The following DHX57 variants were observed in gnomAD, a reference collection of about 807,000 sequenced individuals.
DHX57 encodes putative ATP-dependent RNA helicase DHX57.
In DHX57, 105 loss-of-function variants were observed where a neutral mutation model predicts 156.2. That is an observed-to-expected ratio of 0.67 (90% CI 0.57 to 0.79). The LOEUF (loss-of-function observed/expected upper bound fraction) is 0.79. DHX57 is among the 30% of genes least tolerant of loss of function. The pLI is 0.00. For missense variants in DHX57, 1,847 were observed against 1,661.9 expected (o/e 1.11, Z -1.94); for synonymous variants, 704 against 595.6 (o/e 1.18, Z -2.65).
intron 5 of DHX57, among the ~76,000 whole-genome samples, chr2:38,860,630 A>G (rs1446952058): frequency 6.6e-6 from 1 of 152,206 alleles, no homozygotes; most frequent in African/African-American, 2.4e-5. Flanking sequence ...ATCTCTAAAA[A>G]TTCATTTGAA....
chr2:38,798,838 G>C (rs1216140085), intron 23 of DHX57, among the ~76,000 whole-genome samples: 1 of 152,104 alleles, frequency 6.6e-6, no homozygotes, highest in Non-Finnish European at 1.5e-5. Context: ...CAGCTACTCA[G>C]AGGCTGAGGC....
intron 17 of DHX57, 116 bp from the exon 18 acceptor site, chr2:38,819,260 T>C: frequency 1.1e-6 from 1 of 895,194 alleles, no homozygotes; most frequent in Non-Finnish European, 1.7e-6. Flanking sequence ...CTGCAACCTT[T>C]ATCTCCCAGG....
intron 7 of DHX57, among the ~76,000 whole-genome samples, chr2:38,855,522 T>G (rs1483297100): frequency 6.6e-6 from 1 of 152,188 alleles, no homozygotes; most frequent in Non-Finnish European, 1.5e-5. Flanking sequence ...GGTCTGTAAA[T>G]GCTTCTAGGA....
At chr2:38,827,485 C>CAAA (rs1196817843) in intron 14 of DHX57, among the ~76,000 whole-genome samples, 248 of 8,280 alleles carry the variant, frequency 0.03, 41 homozygotes, top group Admixed American at 0.098. Context: ...GACTCTGTCT[C>CAAA]AAAAAAAAAA....
chr2:38,834,331 CAAA>C (rs33985881), intron 13 of DHX57, among the ~76,000 whole-genome samples: 5 of 83,824 alleles, frequency 6.0e-5, no homozygotes, highest in Admixed American at 1.4e-4. Context: ...AACTCCATCT[CAAA>C]AAAAAAAAAA....
At position 38,823,215 on chromosome 2, in the gene DHX57, C is replaced by T; in HGVS notation, c.3069G>A (p.Arg1023=). 6.2e-7 allele frequency: 1 copy of T among 1,614,012 alleles called. No homozygotes were observed. Among genetic ancestry groups the T allele is most frequent in the Non-Finnish European group, 8.5e-7 (1 of 1,180,014 alleles). ...SAHNLQSVFS[R]LIEPPHTDSL... ...AATCGGTGTGTGGAGGTTCAATGAGCCGAGAGAACACAGACTGGAGATTAT... is the reference window on the plus strand; with the variant it reads ...AATCGGTGTGTGGAGGTTCAATGAGTCGAGAGAACACAGACTGGAGATTAT... Residue 1023 remains arginine (R), a synonymous_variant, in exon 17 of 24, where the codon CGG becomes CGA. Coordinates refer to ENST00000457308, the MANE Select transcript of DHX57 (RefSeq NM_198963.3).
At chr2:38,828,770 G>A (rs1671237041) in intron 13 of DHX57, among the ~76,000 whole-genome samples, 2 of 149,344 alleles carry the variant, frequency 1.3e-5, no homozygotes, top group South Asian at 4.2e-4. Flanking sequence ...TATTTTCTTT[G>A]TAAAGTCCCA....
At chr2:38,868,062 A>G (rs537802389) in intron 2 of DHX57, 120 bp downstream of exon 2, 1 of 1,296,596 alleles carries the variant, frequency 7.7e-7, no homozygotes, top group South Asian at 1.4e-5. Flanking sequence ...AAGGGTTACA[A>G]AGAGGAAGAC....
At chr2:38,838,892 T>G (rs1671829868) in intron 12 of DHX57, 1 of 374,540 alleles carries the variant, frequency 2.7e-6, no homozygotes, top group African/African-American at 2.2e-5. Flanking sequence ...AACGATGTAG[T>G]TCTATAGGAT....
chr2:38,817,526 G>C (rs1296442635), intron 19 of DHX57, among the ~76,000 whole-genome samples: 1 of 151,796 alleles, frequency 6.6e-6, no homozygotes, highest in Non-Finnish European at 1.5e-5. Flanking sequence ...ATGTTGGCCA[G>C]GCTGGTCTTG....
chr2:38,834,731 C>T (rs544541289), intron 13 of DHX57, among the ~76,000 whole-genome samples: 3 of 152,090 alleles, frequency 2.0e-5, no homozygotes, highest in East Asian at 1.9e-4. Context: ...CAATATGTTC[C>T]GCAGATGGAG....
chr2:38,854,963 T>C (rs765194734), intron 8 of DHX57, 94 bp downstream of exon 8: 1 of 1,189,786 alleles, frequency 8.4e-7, no homozygotes, highest in Non-Finnish European at 1.3e-6. Flanking sequence ...AAAGTATATA[T>C]CCCAAATTGC....
Position 38,848,342 on chromosome 2 carries a change from A to T in DHX57, c.2091T>A (p.Ile697=). 1 of 1,612,800 alleles carries T rather than the reference A, an allele frequency of 6.2e-7. No individual in the cohort carries two copies. Among genetic ancestry groups the T allele is most frequent in the East Asian group, 2.2e-5 (1 of 44,848 alleles). Residue 697 remains isoleucine (I), a synonymous_variant, in exon 10 of 24, where the codon ATT becomes ATA. Transcript: ENST00000457308. ...IVSQRPGLQV[I]LMSATLNAEL... is the part of the protein sequence containing the mutation. ...CAGCGTTTAGAGTTGCACTCATTAAAATAACTTGAAGACCTGGCCTCTGCG... is the reference window on the plus strand; with the variant it reads ...CAGCGTTTAGAGTTGCACTCATTAATATAACTTGAAGACCTGGCCTCTGCG...
chr2:38,870,629 C>T (rs540489093), intron 1 of DHX57, among the ~76,000 whole-genome samples: 5 of 152,134 alleles, frequency 3.3e-5, no homozygotes, highest in Non-Finnish European at 7.4e-5. Context: ...CCTGTAATTC[C>T]AGCACTATGG....
intron 6 of DHX57, among the ~76,000 whole-genome samples, chr2:38,858,392 A>C (rs1242364218): frequency 6.6e-6 from 1 of 151,656 alleles, no homozygotes; most frequent in Non-Finnish European, 1.5e-5. Flanking sequence ...TTCCTTTTAC[A>C]TACCAGATTG....
chr2:38,843,332 C>A, intron 11 of DHX57, 122 bp from the exon 12 acceptor site: 1 of 952,782 alleles, frequency 1.0e-6, no homozygotes, highest in Non-Finnish European at 1.6e-6. Flanking sequence ...CACATGCCAT[C>A]CTTCCACCAG....
chr2:38,799,506 C>T (rs1229709121), intron 23 of DHX57, among the ~76,000 whole-genome samples: 3 of 148,118 alleles, frequency 2.0e-5, no homozygotes, highest in Non-Finnish European at 4.4e-5. Context: ...AATTCCAGCA[C>T]TTTGGGAGAC....
chr2:38,868,130 A>G (rs1317617745), intron 2 of DHX57, 52 bp downstream of exon 2: 3 of 1,597,006 alleles, frequency 1.9e-6, no homozygotes, highest in Admixed American at 3.4e-5. Flanking sequence ...TGTCCCATAC[A>G]TTAGGGGTTG....
At chr2:38,803,141 T>C (rs1005130984) in intron 22 of DHX57, 2 of 523,686 alleles carry the variant, frequency 3.8e-6, no homozygotes, top group Admixed American at 3.4e-5. Flanking sequence ...AAAAAGCTTT[T>C]ATTTTTTAAA....
Sources: allele counts gnomAD v4.1 joint callset (sites outside exome capture counted in the v4.1 genomes callset), GRCh38; gene constraint gnomAD v4.1.1; transcripts MANE v1.5; gene names NCBI Gene and HGNC (gene_info 2026-07-23, HGNC 2026-07-21).